Variants in CTNNA2 observed in about 807,000 individuals in gnomAD.
CTNNA2 encodes catenin alpha 2, also known as catenin alpha-2.
CTNNA2 carries 42 observed loss-of-function variants against 101.0 expected under a neutral mutation model. The observed-to-expected ratio is 0.42, with a 90% CI of 0.32 to 0.54. The LOEUF (loss-of-function observed/expected upper bound fraction) is 0.54, where lower values mean the gene tolerates loss of function less well. Ranked by LOEUF, CTNNA2 falls within the 20% of genes least tolerant of loss-of-function variation. CTNNA2 has a pLI of 0.14. For synonymous variants in CTNNA2, 450 were observed against 456.4 expected (o/e 0.99, Z 0.18); for missense variants, 871 against 1,223.1 (o/e 0.71, Z 4.29).
At chr2:80,488,416 G>A (rs936399047) in intron 9 of CTNNA2, among the ~76,000 whole-genome samples, 16 of 151,614 alleles carry the variant, frequency 1.1e-4, no homozygotes, top group Non-Finnish European at 1.5e-4. Context: ...ACTTTACTAC[G>A]GTCTTTTGGG....
intron 8 of CTNNA2, among the ~76,000 whole-genome samples, chr2:80,400,306 C>T (rs1012316368): frequency 4.6e-5 from 7 of 152,098 alleles, no homozygotes; most frequent in Admixed American, 4.6e-4. Context: ...CCTGAGGAGG[C>T]TGGACAAATC....
At chr2:79,714,997 C>T (rs993650274) in intron 2 of CTNNA2, among the ~76,000 whole-genome samples, 2 of 149,218 alleles carry the variant, frequency 1.3e-5, no homozygotes, top group Admixed American at 6.7e-5. Context: ...TTGAAACCAG[C>T]CTGGCCAACA....
chr2:80,171,179 T>C (rs1051640016), intron 7 of CTNNA2, among the ~76,000 whole-genome samples: 3 of 152,232 alleles, frequency 2.0e-5, no homozygotes, highest in East Asian at 1.9e-4. Flanking sequence ...TGGAATAACA[T>C]TGGCTCCAAA....
At chr2:79,928,569 G>C (rs1256423091) in intron 7 of CTNNA2, among the ~76,000 whole-genome samples, 1 of 152,162 alleles carries the variant, frequency 6.6e-6, no homozygotes, top group Non-Finnish European at 1.5e-5. Flanking sequence ...ATCTGAGTCA[G>C]ATGAAATTTG....
chr2:79,438,246 T>G (rs1678738488), intron 4 of CTNNA2, among the ~76,000 whole-genome samples: 1 of 152,192 alleles, frequency 6.6e-6, no homozygotes, highest in Admixed American at 6.5e-5. Flanking sequence ...GGAGTCCCTG[T>G]GAAGCTGCTT....
chr2:80,549,462 T>C (rs1232316548), intron 11 of CTNNA2, among the ~76,000 whole-genome samples: 2 of 152,210 alleles, frequency 1.3e-5, no homozygotes, highest in Non-Finnish European at 2.9e-5. Context: ...CTGATTTTTT[T>C]TCATAACAAA....
intron 4 of CTNNA2, among the ~76,000 whole-genome samples, chr2:79,868,311 C>T (rs1361253663): frequency 6.6e-6 from 1 of 152,164 alleles, no homozygotes; most frequent in African/African-American, 2.4e-5. Context: ...AGATTAACCT[C>T]CCCCCAACCC....
rs78647184 is a variant in CTNNA2 at position 79,876,085 on chromosome 2, G to A, written c.852+1743G>A. ...CTTTATTGAGGGACAAGTTTTACTT[G>A]TCAGTAAATGATATCATGATCTTGA... On this transcript the variant is annotated intron_variant, in intron 6 of 18. Coordinates refer to ENST00000402739, the MANE Select transcript of CTNNA2 (RefSeq NM_001282597.3). 4.1e-3 allele frequency among the ~76,000 whole-genome samples: 628 copies of A among 152,224 alleles called. 4 individuals are homozygous for A. The highest frequency in any genetic ancestry group is 0.015 in the African/African-American group (609 of 41,546).
intron 9 of CTNNA2, among the ~76,000 whole-genome samples, chr2:80,427,911 T>C (rs1020894475): frequency 5.3e-5 from 8 of 152,230 alleles, no homozygotes; most frequent in African/African-American, 1.7e-4. Flanking sequence ...ACATGCATTC[T>C]CTTGGGAAAG....
At position 79,963,584 on chromosome 2, in the gene CTNNA2, A is replaced by G. The variant is rs1017005334; in HGVS notation, c.1056+53787A>G. ...CTGCCTTTTGCCACCCTTACCCTAGAAGATCACTCTAATGGCCACTGGGCA... is the reference window on the plus strand; with the variant it reads ...CTGCCTTTTGCCACCCTTACCCTAGGAGATCACTCTAATGGCCACTGGGCA... On this transcript the variant is annotated intron_variant, in intron 7 of 18. Coordinates refer to ENST00000402739, the MANE Select transcript of CTNNA2 (RefSeq NM_001282597.3). Among the ~76,000 whole-genome samples, 17 of 152,144 alleles carry G rather than the reference A, an allele frequency of 1.1e-4. 1 individual carries two copies. The highest frequency in any genetic ancestry group is 2.9e-5 in the Non-Finnish European group (2 of 68,016).
intron 2 of CTNNA2, among the ~76,000 whole-genome samples, chr2:79,686,239 T>C (rs547203421): frequency 1.3e-5 from 2 of 151,950 alleles, no homozygotes; most frequent in Non-Finnish European, 2.9e-5. Flanking sequence ...TGGACTTTAT[T>C]CTAAAGGCAA....
chr2:79,630,805 A>G (rs1679640763), intron 1 of CTNNA2, among the ~76,000 whole-genome samples: 1 of 151,654 alleles, frequency 6.6e-6, no homozygotes, highest in Non-Finnish European at 1.5e-5. Context: ...AAACAATGCT[A>G]TATGGGTGGG....
At chr2:80,633,302 A>T (rs1672489225) in intron 18 of CTNNA2, among the ~76,000 whole-genome samples, 1 of 152,196 alleles carries the variant, frequency 6.6e-6, no homozygotes, top group African/African-American at 2.4e-5. Context: ...GTATTTAATC[A>T]AGTTTTCTGT....
chr2:80,471,851 G>A (rs1017713162), intron 9 of CTNNA2, among the ~76,000 whole-genome samples: 4 of 152,162 alleles, frequency 2.6e-5, no homozygotes, highest in Admixed American at 1.3e-4. Flanking sequence ...AGGTGGCCGG[G>A]CGTAGTGGCC....
At chr2:79,185,690 C>A (rs2104148394) in intron 1 of CTNNA2, among the ~76,000 whole-genome samples, 1 of 152,158 alleles carries the variant, frequency 6.6e-6, no homozygotes, top group East Asian at 1.9e-4. Flanking sequence ...CTAGAGAATG[C>A]TTATAATGAC....
intron 2 of CTNNA2, among the ~76,000 whole-genome samples, chr2:79,310,838 T>C (rs1573063546): frequency 6.6e-6 from 1 of 152,218 alleles, no homozygotes. Flanking sequence ...AATGTCTTTT[T>C]CTGAGTAACT....
At chr2:79,789,392 A>G (rs7599937) in intron 3 of CTNNA2, among the ~76,000 whole-genome samples, 27,405 of 152,136 alleles carry the variant, frequency 0.18, 4,358 homozygotes, top group African/African-American at 0.41. Context: ...GGCTTGCCAG[A>G]AACGGGAAGG....
In CTNNA2 at chr2:79,858,150, G is replaced by A; in HGVS notation, c.436G>A (p.Val146Ile). 5 of 1,613,794 alleles carry A rather than the reference G, an allele frequency of 3.1e-6. No homozygotes were observed. The highest frequency in any genetic ancestry group is 4.2e-6 in the Non-Finnish European group (5 of 1,179,708). ...ACTCATCCTGGCGGACATGGCAGAT[G>A]TCATGAGACTTTTATCCCATCTGAA... is the stretch of plus-strand genomic sequence containing the variant. The part of the protein sequence containing the change: ...RLLILADMAD[V>I]MRLLSHLKIV... Residue 146 changes from valine to isoleucine, a missense_variant, in exon 4 of 19, where the codon GTC becomes ATC. By Grantham distance (29) the Val-to-Ile change is conservative (BLOSUM62 3). This residue lies in a region of CTNNA2 where 647 missense variants were observed against 831.5 expected (regional missense o/e 0.78). Coordinates refer to ENST00000402739, the MANE Select transcript of CTNNA2 (RefSeq NM_001282597.3).
intron 4 of CTNNA2, among the ~76,000 whole-genome samples, chr2:79,464,518 C>T (rs1670913161): frequency 1.3e-5 from 2 of 152,130 alleles, no homozygotes; most frequent in South Asian, 4.2e-4. Flanking sequence ...ATGGCTGGGT[C>T]AAATGGTATT....
Sources: gnomAD v4.1 joint callset for allele counts (sites outside exome capture counted in the v4.1 genomes callset) on GRCh38, gnomAD v4.1.1 for gene constraint, gnomAD v4.1.1 regional missense constraint, MANE v1.5 for transcripts, NCBI Gene and HGNC (gene_info 2026-07-23, HGNC 2026-07-21) for gene names.